Variants in DCTN5 observed in about 807,000 individuals in gnomAD.
The protein encoded by DCTN5 is dynactin subunit 5.
A neutral mutation model predicts 23.5 loss-of-function variants in DCTN5; 14 were observed. That is an observed-to-expected ratio of 0.60 (90% CI 0.39 to 0.93). The LOEUF is 0.93. DCTN5 is among the 40% of genes least tolerant of loss of function. The pLI, the probability that DCTN5 is intolerant of heterozygous loss-of-function variation, is 0.00. For synonymous variants in DCTN5, 67 were observed against 79.6 expected (o/e 0.84, Z 0.84); for missense variants, 156 against 225.9 (o/e 0.69, Z 1.98).
intron 2 of DCTN5, among the ~76,000 whole-genome samples, chr16:23,646,788 C>T (rs925154440): frequency 6.6e-6 from 1 of 152,066 alleles, no homozygotes; most frequent in African/African-American, 2.4e-5. Flanking sequence ...ATTGGTCAGG[C>T]TGGTCTCAAA....
chr16:23,665,018 TC>T (rs1967879927), intron 4 of DCTN5, among the ~76,000 whole-genome samples: 1 of 152,208 alleles, frequency 6.6e-6, no homozygotes, highest in Non-Finnish European at 1.5e-5. Flanking sequence ...TCTGGGAGGT[TC>T]ACTCCCAGGC....
At chr16:23,666,860 A>G (rs1967915968) in intron 5 of DCTN5, 187 bp from the exon 6 acceptor site, 5 of 833,184 alleles carry the variant, frequency 6.0e-6, no homozygotes, top group Non-Finnish European at 7.2e-6. Flanking sequence ...TAATTTCTCC[A>G]TATTGGGGTC....
intron 3 of DCTN5, among the ~76,000 whole-genome samples, chr16:23,660,502 A>G (rs904389049): frequency 3.3e-5 from 5 of 152,190 alleles, no homozygotes; most frequent in Non-Finnish European, 5.9e-5. Context: ...GCTGACTCCT[A>G]CTCAAAGTCA....
Position 23,670,884 on chromosome 16 carries a change from A to G in DCTN5, c.*3740A>G, listed in dbSNP as rs1317328159. 1.3e-5 allele frequency: 2 copies of G among 152,194 alleles called. No homozygotes were observed. Among genetic ancestry groups the G allele is most frequent in the African/African-American group, 4.8e-5 (2 of 41,436 alleles). 9.4% of individuals were successfully genotyped at this position (152,194 alleles called of 1,614,324 possible). A position where few individuals can be genotyped will look rare whatever the true frequency, so the allele number is the denominator to read the frequency against. On this transcript the variant is annotated 3_prime_UTR_variant, in exon 6 of 6. Transcript: ENST00000300087. The stretch of plus-strand genomic sequence containing the variant: ...TCACCATATGCTGCACAGAGAAGAG[A>G]GACACCATCACTCATTTATTCATTT...
At chr16:23,651,110 AAG>A (rs1027496720) in intron 2 of DCTN5, 23 of 1,317,904 alleles carry the variant, frequency 1.7e-5, no homozygotes, top group Non-Finnish European at 4.8e-6. Flanking sequence ...AAAAAATTAA[AAG>A]AAATAAATAA....
At chr16:23,657,048 C>G (rs1035721349) in intron 2 of DCTN5, among the ~76,000 whole-genome samples, 5 of 152,070 alleles carry the variant, frequency 3.3e-5, no homozygotes, top group African/African-American at 9.6e-5. Context: ...TTGTAGTCAT[C>G]TAAAGGGTCA....
chr16:23,641,728 G>A lies in DCTN5; in HGVS notation c.48+138G>A, dbSNP rs1043759766. 8 of 878,342 alleles carry A rather than the reference G, an allele frequency of 9.1e-6. No homozygotes were observed. In the African/African-American group the frequency reaches 1.2e-4, roughly 13 times the overall value. 54.4% of individuals were successfully genotyped at this position (878,342 alleles called of 1,614,324 possible). A position where few individuals can be genotyped will look rare whatever the true frequency, so the allele number is the denominator to read the frequency against. On this transcript the variant is annotated intron_variant, in intron 1 of 5. Coordinates refer to ENST00000300087, the MANE Select transcript of DCTN5 (RefSeq NM_032486.4). ...GTCCCGGATTATCTAGCGATGCCCC[G>A]TGTACCGTCTGGCTTTGCTGTTTAC...
chr16:23,671,279 G>A lies in DCTN5; in HGVS notation c.*4135G>A, dbSNP rs1483351097. 5 of 149,042 alleles carry A rather than the reference G, an allele frequency of 3.4e-5. No homozygotes were observed. Among genetic ancestry groups the A allele is most frequent in the Admixed American group, 1.3e-4 (2 of 14,856 alleles). The allele number at this position is 149,042 out of a possible 1,614,324, so 9.2% of individuals were successfully genotyped here. ...TGTAAAGCATAAGTACTGGCTCAGGGTGAGCACTCAATAAACGGCAGTTTA... is the reference window on the plus strand; with the variant it reads ...TGTAAAGCATAAGTACTGGCTCAGGATGAGCACTCAATAAACGGCAGTTTA... On this transcript the variant is annotated 3_prime_UTR_variant, in exon 6 of 6. Transcript: ENST00000300087.
chr16:23,665,574 C>G (rs1022458782), intron 4 of DCTN5, 52 bp from the exon 5 acceptor site: 47 of 1,509,442 alleles, frequency 3.1e-5, no homozygotes, highest in South Asian at 2.6e-4. Flanking sequence ...TAGAAAGGAG[C>G]CTTTCACACA....
chr16:23,661,869 TG>T (rs1226808658), intron 4 of DCTN5, among the ~76,000 whole-genome samples: 1 of 152,004 alleles, frequency 6.6e-6, no homozygotes, highest in Non-Finnish European at 1.5e-5. Context: ...ACCATTCAGA[TG>T]TGTTAGGTGT....
rs1597121461 is a variant in DCTN5, at chr16:23,658,563, A to G, written c.174A>G (p.Gly58=). Residue 58 remains glycine, a synonymous_variant, in exon 3 of 6, where the codon GGA becomes GGG. Transcript: ENST00000300087. The stretch of plus-strand genomic sequence containing the variant: ...GGGATCTGGCAAATGTAAGAGTTGG[A>G]CGTCATTGTGTTGTGAAAAGTCGTA... The part of the protein sequence containing the change: ...IRGDLANVRV[G]RHCVVKSRSV... The G allele has an allele frequency of 6.2e-7, 1 of 1,614,192 alleles. No individual in the cohort carries two copies. The highest frequency in any genetic ancestry group is 2.2e-5 in the East Asian group (1 of 44,892).
chr16:23,656,899 G>A (rs1256765599), intron 2 of DCTN5, among the ~76,000 whole-genome samples: 1 of 151,636 alleles, frequency 6.6e-6, no homozygotes, highest in African/African-American at 2.4e-5. Context: ...GCTGAGGCAG[G>A]AGAATTGCTT....
At position 23,667,862 on chromosome 16, in the gene DCTN5, T is replaced by A. The variant is rs1967934878; in HGVS notation, c.*718T>A. The A allele has an allele frequency of 6.6e-6, 1 of 152,258 alleles. No individual in the cohort carries two copies. The highest frequency in any genetic ancestry group is 6.5e-5 in the Admixed American group (1 of 15,290). The allele number at this position is 152,258 out of a possible 1,614,324, so 9.4% of individuals were successfully genotyped here. A position where few individuals can be genotyped will look rare whatever the true frequency, so the allele number is the denominator to read the frequency against. On this transcript the variant is annotated 3_prime_UTR_variant, in exon 6 of 6. Transcript: ENST00000300087. Reference sequence around the variant, plus strand: ...TTGCCAAGTGTTAGATTTGAGTCTCTCATGTGGATGCATTAGTCAGGTGGT... The same window carrying A: ...TTGCCAAGTGTTAGATTTGAGTCTCACATGTGGATGCATTAGTCAGGTGGT...
intron 2 of DCTN5, 62 bp downstream of exon 2, chr16:23,643,085 C>T (rs2140967747): frequency 7.5e-7 from 1 of 1,340,490 alleles, no homozygotes; most frequent in Non-Finnish European, 1.1e-6. Flanking sequence ...ATTGTCACCA[C>T]AGCAGGGCAG....
At chr16:23,652,420 C>T (rs935402779) in intron 2 of DCTN5, among the ~76,000 whole-genome samples, 1 of 152,266 alleles carries the variant, frequency 6.6e-6, no homozygotes, top group South Asian at 2.1e-4. Context: ...TCCCAACAGC[C>T]GAACAGTCAC....
In DCTN5 at chr16:23,669,110, G is replaced by T. The variant is rs1967959486; in HGVS notation, c.*1966G>T. 6.6e-6 allele frequency: 1 copy of T among 152,634 alleles called. No individual in the cohort carries two copies. Among genetic ancestry groups the T allele is most frequent in the Non-Finnish European group, 1.5e-5 (1 of 68,046 alleles). The allele number at this position is 152,634 out of a possible 1,614,324, so 9.5% of individuals were successfully genotyped here. ...TCTCCATGGTGGCTCTCACCCCAGG[G>T]ACCTAGGAACAGCCTGTCACCACAC... On this transcript the variant is annotated 3_prime_UTR_variant, in exon 6 of 6. Transcript: ENST00000300087.
chr16:23,646,920 T>G (rs1967474064), intron 2 of DCTN5, among the ~76,000 whole-genome samples: 1 of 152,150 alleles, frequency 6.6e-6, no homozygotes. Flanking sequence ...CTAACTTAGT[T>G]CTTTTGAATG....
chr16:23,643,174 G>A, intron 2 of DCTN5, 151 bp downstream of exon 2: 1 of 685,962 alleles, frequency 1.5e-6, no homozygotes, highest in South Asian at 2.0e-5. Flanking sequence ...TTGTAAATTG[G>A]ATCTCCTTTT....
rs943073559 is a variant in DCTN5, at chr16:23,675,201, G to C, written c.*8057G>C. ...TATCTACTTGAACTCTAGGATGATA[G>C]TTAAAAAAAAAAATGTTGGCCAGGC... On this transcript the variant is annotated 3_prime_UTR_variant, in exon 6 of 6. Coordinates refer to ENST00000300087, the MANE Select transcript of DCTN5 (RefSeq NM_032486.4). 3 of 151,738 alleles carry C rather than the reference G, an allele frequency of 2.0e-5. No individual in the cohort carries two copies. The highest frequency in any genetic ancestry group is 2.9e-5 in the Non-Finnish European group (2 of 67,946). The allele number at this position is 151,738 out of a possible 1,614,324, so 9.4% of individuals were successfully genotyped here.
Sources: allele counts gnomAD v4.1 joint callset (sites outside exome capture counted in the v4.1 genomes callset), GRCh38; gene constraint gnomAD v4.1.1; transcripts MANE v1.5; gene names NCBI Gene and HGNC (gene_info 2026-07-23, HGNC 2026-07-21).